The following PIGK variants were observed in gnomAD, a reference collection of about 807,000 sequenced individuals.
PIGK encodes the protein GPI-anchor transamidase.
A neutral mutation model predicts 50.6 loss-of-function variants in PIGK; 42 were observed. The observed-to-expected ratio is 0.83, with a 90% CI of 0.65 to 1.07. The LOEUF is 1.07. PIGK is among the 50% of genes least tolerant of loss of function. The pLI is 0.00. For missense variants in PIGK, 448 were observed against 488.7 expected, an observed-to-expected ratio of 0.92 and a Z score of 0.78; for synonymous variants, 151 against 156.0, an observed-to-expected ratio of 0.97 and a Z score of 0.24.
At chr1:77,160,987 G>A (rs1397158361) in intron 8 of PIGK, among the ~76,000 whole-genome samples, 5 of 152,130 alleles carry the variant, frequency 3.3e-5, no homozygotes, top group Admixed American at 1.3e-4. Flanking sequence ...AGAATTCGGG[G>A]AGACTTCCTG....
In PIGK at chr1:77,090,577, G is replaced by T. The variant is rs1394521628; in HGVS notation, c.*1797C>A. The T allele has an allele frequency of 6.6e-6, 1 of 152,132 alleles. No homozygotes were observed. 9.4% of individuals were successfully genotyped at this position (152,132 alleles called of 1,614,324 possible). Reference sequence around the variant, plus strand: ...TTTACTTTCTAGCAGTCTTTACAGGGTATGTTTCATTATATTCAAACTAAA... The same window carrying T: ...TTTACTTTCTAGCAGTCTTTACAGGTTATGTTTCATTATATTCAAACTAAA... On this transcript the variant is annotated 3_prime_UTR_variant, in exon 11 of 11. Coordinates refer to ENST00000370812, the MANE Select transcript of PIGK (RefSeq NM_005482.3).
intron 3 of PIGK, among the ~76,000 whole-genome samples, chr1:77,172,790 G>T (rs2100563290): frequency 6.6e-6 from 1 of 152,158 alleles, no homozygotes; most frequent in Middle Eastern, 3.4e-3. Context: ...CGGGCGTGAT[G>T]GCAGGTGCCT....
At chr1:77,131,970 TAA>T (rs1198426524) in intron 9 of PIGK, among the ~76,000 whole-genome samples, 1 of 151,960 alleles carries the variant, frequency 6.6e-6, no homozygotes, top group Non-Finnish European at 1.5e-5. Flanking sequence ...ATGTCAAATG[TAA>T]AAACCATCTA....
chr1:77,173,810 C>A (rs1268507419), intron 3 of PIGK, among the ~76,000 whole-genome samples: 1 of 152,216 alleles, frequency 6.6e-6, no homozygotes, highest in Non-Finnish European at 1.5e-5. Context: ...AACGTTGCTG[C>A]AGTTCCCTGA....
At chr1:77,112,889 A>G (rs1653885351) in intron 10 of PIGK, among the ~76,000 whole-genome samples, 1 of 152,102 alleles carries the variant, frequency 6.6e-6, no homozygotes, top group Non-Finnish European at 1.5e-5. Context: ...TCCTCCAGCA[A>G]AGCATACATA....
chr1:77,206,937 C>T lies in PIGK; in HGVS notation c.148-206G>A, dbSNP rs188232830. Among the ~76,000 whole-genome samples the T allele has an allele frequency of 7.9e-5, 12 of 152,206 alleles. No homozygotes were observed. The East Asian group carries it at 1.9e-3, about 25-fold the overall frequency. ...ATACCAACACTTTGGGAAGCCCAGGCGGGAAGATCACTTGGGTCCAGGAGT... is the reference window on the plus strand; with the variant it reads ...ATACCAACACTTTGGGAAGCCCAGGTGGGAAGATCACTTGGGTCCAGGAGT... On this transcript the variant is annotated intron_variant, in intron 2 of 10. Transcript: ENST00000370812.
chr1:77,219,282 GC>G lies in PIGK; in HGVS notation c.93+27del, dbSNP rs1203666308. 1.9e-6 allele frequency: 3 copies of G among 1,590,250 alleles called. No individual in the cohort carries two copies. In the South Asian group the frequency reaches 3.3e-5, roughly 18 times the overall value. On this transcript the variant is annotated intron_variant, in intron 1 of 10. Coordinates refer to ENST00000370812, the MANE Select transcript of PIGK (RefSeq NM_005482.3). ...TGGAGGGCTCACAGCCGGCCTCCCG[GC>G]TGTGGTCAAATGAGCCTGACTCCTA...
chr1:77,185,309 C>A (rs1323671324), intron 3 of PIGK, among the ~76,000 whole-genome samples: 1 of 152,158 alleles, frequency 6.6e-6, no homozygotes, highest in Non-Finnish European at 1.5e-5. Context: ...TAAGATATCA[C>A]CCTGGTACAT....
At chr1:77,198,791 A>C (rs1484529776) in intron 3 of PIGK, among the ~76,000 whole-genome samples, 2 of 152,068 alleles carry the variant, frequency 1.3e-5, no homozygotes, top group African/African-American at 4.8e-5. Context: ...TACCAAAAAG[A>C]AGCCCCTTCT....
chr1:77,119,289 T>C (rs755091668), intron 10 of PIGK, among the ~76,000 whole-genome samples: 14 of 152,248 alleles, frequency 9.2e-5, no homozygotes, highest in South Asian at 2.1e-4. Context: ...GGTATGTCTT[T>C]CTGTTTCTGA....
At chr1:77,214,951 A>C (rs1656518453) in intron 1 of PIGK, among the ~76,000 whole-genome samples, 1 of 152,292 alleles carries the variant, frequency 6.6e-6, no homozygotes, top group East Asian at 1.9e-4. Flanking sequence ...CAAGAAGTGA[A>C]AAATCTCTAC....
chr1:77,123,679 C>A, intron 9 of PIGK, among the ~76,000 whole-genome samples: 1 of 151,616 alleles, frequency 6.6e-6, no homozygotes, highest in South Asian at 2.1e-4. Context: ...AGGTTCCGTT[C>A]GCAAGATGAA....
In PIGK at chr1:77,130,297, C is replaced by CAAAAAAA. The variant is rs749423746; in HGVS notation, c.987-7945_987-7939dup. On this transcript the variant is annotated intron_variant, in intron 9 of 10. Transcript: ENST00000370812. Reference sequence around the variant, plus strand: ...TGTGACACCTTTCCCTACTCCTAAGCAAAAAAAAAAAAAAAAAAAAAAAAA... The same window carrying CAAAAAAA: ...TGTGACACCTTTCCCTACTCCTAAGCAAAAAAAAAAAAAAAAAAAAAAAAAAAAAAAA... 2.3e-3 allele frequency among the ~76,000 whole-genome samples: 95 copies of CAAAAAAA among 41,498 alleles called. 12 individuals are homozygous for CAAAAAAA. The highest frequency in any genetic ancestry group is 3.2e-3 in the Non-Finnish European group (72 of 22,278). The allele number at this position is 41,498 out of a possible 152,430, so 27.2% of individuals were successfully genotyped here.
chr1:77,096,360 A>G (rs551060090), intron 10 of PIGK, among the ~76,000 whole-genome samples: 1 of 152,284 alleles, frequency 6.6e-6, no homozygotes, highest in East Asian at 1.9e-4. Context: ...AGAAGCTGTC[A>G]GCAAGAGGTA....
chr1:77,165,447 T>C (rs1431224813), intron 5 of PIGK, among the ~76,000 whole-genome samples: 1 of 152,072 alleles, frequency 6.6e-6, no homozygotes, highest in East Asian at 1.9e-4. Flanking sequence ...AGCCACTAAG[T>C]AGGGGTCATT....
intron 9 of PIGK, among the ~76,000 whole-genome samples, chr1:77,124,308 T>C (rs984539417): frequency 6.6e-6 from 1 of 152,178 alleles, no homozygotes; most frequent in Non-Finnish European, 1.5e-5. Flanking sequence ...ATTTACATTA[T>C]GTATAAAAAA....
intron 3 of PIGK, among the ~76,000 whole-genome samples, chr1:77,173,815 C>G (rs896988186): frequency 8.5e-5 from 13 of 152,186 alleles, no homozygotes; most frequent in African/African-American, 2.9e-4. Context: ...TGCTGCAGTT[C>G]CCTGAAACAA....
At chr1:77,108,741 G>T (rs1038225978) in intron 10 of PIGK, among the ~76,000 whole-genome samples, 2 of 152,056 alleles carry the variant, frequency 1.3e-5, no homozygotes, top group Non-Finnish European at 2.9e-5. Context: ...TCAAATGTAG[G>T]TTTGGTCTTT....
At position 77,118,561 on chromosome 1, in the gene PIGK, C is replaced by T. The variant is rs145966331; in HGVS notation, c.1071+3714G>A. 1.8e-3 allele frequency among the ~76,000 whole-genome samples: 280 copies of T among 152,324 alleles called. 1 individual carries two copies. Among genetic ancestry groups the T allele is most frequent in the African/African-American group, 6.3e-3 (264 of 41,580 alleles). ...ACAATTTTCATGCTTAGAAAGTTCT[C>T]ATCCAAAAATTTTGCCAACATACTT... On this transcript the variant is annotated intron_variant, in intron 10 of 10. Coordinates refer to ENST00000370812, the MANE Select transcript of PIGK (RefSeq NM_005482.3).
Sources: allele counts gnomAD v4.1 joint callset (sites outside exome capture counted in the v4.1 genomes callset), GRCh38; gene constraint gnomAD v4.1.1; transcripts MANE v1.5; gene names NCBI Gene and HGNC (gene_info 2026-07-23, HGNC 2026-07-21).